The following EGF variants were observed in gnomAD, a reference collection of about 807,000 sequenced individuals.
EGF encodes the protein epidermal growth factor, also known as pro-epidermal growth factor.
A neutral mutation model predicts 143.8 loss-of-function variants in EGF; 95 were observed. The observed-to-expected ratio is 0.66, with a 90% CI of 0.56 to 0.78. The LOEUF (loss-of-function observed/expected upper bound fraction) is 0.78, where lower values mean the gene tolerates loss of function less well. Among genes scored for constraint, EGF ranks in the 30% least tolerant of loss-of-function variants. The pLI, the probability that EGF is intolerant of heterozygous loss-of-function variation, is 0.00. For missense variants in EGF, 1,320 were observed against 1,470.9 expected, an observed-to-expected ratio of 0.90 and a Z score of 1.68; for synonymous variants, 510 against 510.5, an observed-to-expected ratio of 1.00 and a Z score of 0.01.
At chr4:110,002,995 C>T (rs1259467504) in intron 21 of EGF, among the ~76,000 whole-genome samples, 1 of 152,208 alleles carries the variant, frequency 6.6e-6, no homozygotes, top group African/African-American at 2.4e-5. Flanking sequence ...GACATGATCT[C>T]ATTCCTTTTT....
chr4:109,965,273 A>C (rs1024228498), intron 10 of EGF, among the ~76,000 whole-genome samples: 1 of 152,166 alleles, frequency 6.6e-6, no homozygotes, highest in South Asian at 2.1e-4. Flanking sequence ...TATGTGGTAC[A>C]TTAATTCCTA....
intron 13 of EGF, chr4:109,977,474 GAGGGTAAAA>G (rs1748676418): frequency 6.6e-6 from 1 of 152,040 alleles, no homozygotes; most frequent in African/African-American, 2.4e-5. Flanking sequence ...AGATACAGTG[GAGGGTAAAA>G]CAAATATGAT....
intron 2 of EGF, among the ~76,000 whole-genome samples, chr4:109,941,751 T>C (rs1057375115): frequency 1.3e-5 from 2 of 152,050 alleles, no homozygotes; most frequent in African/African-American, 4.8e-5. Flanking sequence ...GAAAGAAAAA[T>C]TTTCTTCTTT....
At chr4:109,972,928 G>A (rs1226514898) in intron 11 of EGF, among the ~76,000 whole-genome samples, 1 of 152,198 alleles carries the variant, frequency 6.6e-6, no homozygotes, top group African/African-American at 2.4e-5. Flanking sequence ...CCTACCTTGT[G>A]TTTCTAGGCA....
Position 110,011,236 on chromosome 4 carries a change from C to T in EGF, c.3405C>T (p.Pro1135=). The T allele has an allele frequency of 1.4e-5, 23 of 1,614,002 alleles. No homozygotes were observed. The highest frequency in any genetic ancestry group is 1.9e-5 in the Non-Finnish European group (22 of 1,179,978). ...SMQPTSWRQE[P]QLCGMGTEQG... ...AACCAACTTCATGGAGGCAGGAGCC[C>T]CAGTTATGTGGAATGGGCACAGAGC... Residue 1135 remains proline, a synonymous_variant, in exon 24 of 24, where the codon CCC becomes CCT. Transcript: ENST00000265171.
chr4:109,933,438 T>TA (rs1740169652), intron 1 of EGF, among the ~76,000 whole-genome samples: 3 of 144,368 alleles, frequency 2.1e-5, no homozygotes, highest in Non-Finnish European at 4.6e-5. Flanking sequence ...TTTTTTTTTT[T>TA]ATACTTTAAG....
At chr4:109,959,737 C>T (rs147068798) in intron 6 of EGF, among the ~76,000 whole-genome samples, 25 of 152,270 alleles carry the variant, frequency 1.6e-4, no homozygotes, top group Admixed American at 4.6e-4. Context: ...ATTCTACCAA[C>T]CTCTGCGTTT....
intron 20 of EGF, among the ~76,000 whole-genome samples, chr4:109,995,525 A>G (rs1334601849): frequency 6.6e-6 from 1 of 152,196 alleles, no homozygotes. Context: ...AAACTATGAG[A>G]CATTCCCACT....
At position 109,976,125 on chromosome 4, in the gene EGF, C is replaced by T. The variant is rs576670693; in HGVS notation, c.1943C>T (p.Thr648Met). ...SSDLIWPSGI[T>M]IDFLTDKLYW... ...GATCTAATCTGGCCCAGTGGAATAA[C>T]GATTGACTTCTTAACTGACAAGTTG... Residue 648 changes from threonine (T) to methionine (M), a missense_variant, in exon 13 of 24, where the codon ACG becomes ATG. Thr to Met is a moderately conservative substitution (Grantham distance 81). Transcript: ENST00000265171. The T allele has an allele frequency of 1.2e-5, 19 of 1,614,126 alleles. No homozygotes were observed. Among genetic ancestry groups the T allele is most frequent in the South Asian group, 7.7e-5 (7 of 91,080 alleles).
chr4:109,966,267 T>A (rs1746568605), intron 10 of EGF, among the ~76,000 whole-genome samples: 1 of 152,148 alleles, frequency 6.6e-6, no homozygotes, highest in Non-Finnish European at 1.5e-5. Context: ...GTGTACCCAT[T>A]GTTCAGCTCT....
chr4:109,918,916 C>A (rs909098221), intron 1 of EGF, among the ~76,000 whole-genome samples: 2 of 152,144 alleles, frequency 1.3e-5, no homozygotes, highest in Non-Finnish European at 2.9e-5. Context: ...TCTTCCACCA[C>A]ATGAGCGAAA....
chr4:110,004,495 T>A lies in EGF; in HGVS notation c.3174-10T>A, dbSNP rs1467136734. On this transcript the variant is annotated splice_polypyrimidine_tract_variant and intron_variant, in intron 21 of 23. Transcript: ENST00000265171. ...TTGTGAGATTGTCTCAAATTTTGGC[T>A]TTATCACAGGACTCAGAAGCTGCTA... 3.7e-6 allele frequency: 6 copies of A among 1,613,684 alleles called. No homozygotes were observed. The highest frequency in any genetic ancestry group is 4.2e-6 in the Non-Finnish European group (5 of 1,179,730).
In EGF at chr4:109,939,440, G is replaced by A. The variant is rs146060661; in HGVS notation, c.128-1506G>A. On this transcript the variant is annotated intron_variant, in intron 1 of 23. Coordinates refer to ENST00000265171, the MANE Select transcript of EGF (RefSeq NM_001963.6). Reference sequence around the variant, plus strand: ...AAGTGTACAGTTCCTCCAGTTACAGGCACTCACAACTTCCCTTGGCTAGGA... The same window carrying A: ...AAGTGTACAGTTCCTCCAGTTACAGACACTCACAACTTCCCTTGGCTAGGA... Among the ~76,000 whole-genome samples the A allele has an allele frequency of 1.5e-3, 227 of 152,340 alleles. 1 individual carries two copies. The highest frequency in any genetic ancestry group is 5.2e-3 in the African/African-American group (216 of 41,578).
chr4:110,010,485 C>G (rs1753855462), intron 23 of EGF, among the ~76,000 whole-genome samples: 1 of 152,196 alleles, frequency 6.6e-6, no homozygotes, highest in South Asian at 2.1e-4. Flanking sequence ...AGGTCCTACT[C>G]TGTCACTCAG....
intron 22 of EGF, 140 bp from the exon 23 acceptor site, chr4:110,008,012 C>T (rs1196977574): frequency 2.5e-6 from 2 of 789,980 alleles, no homozygotes; most frequent in East Asian, 2.7e-5. Context: ...GATAGAAAGA[C>T]TAACTTCACA....
chr4:109,940,926 G>A lies in EGF; in HGVS notation c.128-20G>A. The A allele has an allele frequency of 6.2e-7, 1 of 1,609,324 alleles. No individual in the cohort carries two copies. Among genetic ancestry groups the A allele is most frequent in the Non-Finnish European group, 8.5e-7 (1 of 1,175,818 alleles). On this transcript the variant is annotated intron_variant, in intron 1 of 23. Coordinates refer to ENST00000265171, the MANE Select transcript of EGF (RefSeq NM_001963.6). The stretch of plus-strand genomic sequence containing the variant: ...TAAAATATTAAAAGTATACAGTTTG[G>A]TCTCTTTCTTCCCACCCAGGTCCTG...
chr4:110,005,991 G>A (rs1753227058), intron 22 of EGF, among the ~76,000 whole-genome samples: 1 of 152,020 alleles, frequency 6.6e-6, no homozygotes, highest in South Asian at 2.1e-4. Context: ...CCTGTAATAG[G>A]CATTCAGTGT....
intron 22 of EGF, among the ~76,000 whole-genome samples, chr4:110,005,983 T>C (rs2126192422): frequency 6.6e-6 from 1 of 152,304 alleles, no homozygotes; most frequent in South Asian, 2.1e-4. Context: ...TTTTCCTACC[T>C]GTAATAGGCA....
intron 18 of EGF, among the ~76,000 whole-genome samples, chr4:109,989,300 G>A (rs553116213): frequency 2.0e-5 from 3 of 152,274 alleles, no homozygotes; most frequent in Middle Eastern, 3.4e-3. Context: ...TTGGGAGTTC[G>A]CGTCGTGGAT....
Sources: allele counts gnomAD v4.1 joint callset (sites outside exome capture counted in the v4.1 genomes callset), GRCh38; gene constraint gnomAD v4.1.1; transcripts MANE v1.5; gene names NCBI Gene and HGNC (gene_info 2026-07-23, HGNC 2026-07-21).